FGGY: variants seen among roughly 807,000 people sequenced by gnomAD.
FGGY encodes FGGY carbohydrate kinase domain-containing protein.
FGGY carries 72 observed loss-of-function variants against 71.3 expected under a neutral mutation model. That is an observed-to-expected ratio of 1.01 (90% CI 0.84 to 1.23). The LOEUF (loss-of-function observed/expected upper bound fraction) is 1.23, where lower values mean the gene tolerates loss of function less well. Among genes scored for constraint, FGGY ranks in the 50% most tolerant of loss-of-function variants. The probability of loss-of-function intolerance (pLI) is 0.00; values close to 1 mark genes in which losing one functional copy is unlikely to be tolerated. For missense variants in FGGY, 668 were observed against 682.3 expected (o/e 0.98, Z 0.23); for synonymous variants, 251 against 250.3 (o/e 1.00, Z -0.02).
At chr1:59,298,272 C>A (rs2042263176) in intron 1 of FGGY, among the ~76,000 whole-genome samples, 1 of 152,088 alleles carries the variant, frequency 6.6e-6, no homozygotes, top group South Asian at 2.1e-4. Flanking sequence ...TGGCCACTGG[C>A]CTGGCTCTTG....
intron 7 of FGGY, among the ~76,000 whole-genome samples, chr1:59,544,977 T>C (rs922697108): frequency 6.6e-6 from 1 of 152,214 alleles, no homozygotes; most frequent in African/African-American, 2.4e-5. Flanking sequence ...ATGGCTGATA[T>C]ACTTCTGCCT....
intron 11 of FGGY, among the ~76,000 whole-genome samples, chr1:59,650,779 T>C (rs1184932413): frequency 4.2e-5 from 6 of 143,208 alleles, no homozygotes; most frequent in Non-Finnish European, 7.4e-5. Context: ...TAGTTATTTC[T>C]TGCCTTCTGC....
At chr1:59,460,764 G>C (rs536107152) in intron 6 of FGGY, among the ~76,000 whole-genome samples, 6 of 152,318 alleles carry the variant, frequency 3.9e-5, no homozygotes, top group African/African-American at 1.4e-4. Context: ...TGCAGCCTCC[G>C]CTGGTAATAC....
intron 4 of FGGY, among the ~76,000 whole-genome samples, chr1:59,348,434 C>G: frequency 6.6e-6 from 1 of 152,150 alleles, no homozygotes; most frequent in Non-Finnish European, 1.5e-5. Context: ...GTTAGGACTT[C>G]TTTCTGAAGT....
chr1:59,672,723 C>T (rs2097393064), intron 13 of FGGY, among the ~76,000 whole-genome samples: 1 of 152,176 alleles, frequency 6.6e-6, no homozygotes, highest in Non-Finnish European at 1.5e-5. Context: ...AGTGTCTTCT[C>T]AGACAAGATA....
intron 11 of FGGY, among the ~76,000 whole-genome samples, chr1:59,647,735 C>A (rs2097109301): frequency 6.7e-6 from 1 of 149,036 alleles, no homozygotes; most frequent in African/African-American, 2.5e-5. Flanking sequence ...CCACCCCTGC[C>A]ACCATCTTTT....
At chr1:59,461,737 G>T (rs1037572525) in intron 6 of FGGY, among the ~76,000 whole-genome samples, 1 of 152,074 alleles carries the variant, frequency 6.6e-6, no homozygotes, top group Admixed American at 6.5e-5. Flanking sequence ...AACTCTACCA[G>T]CCAGAAGAGA....
intron 4 of FGGY, among the ~76,000 whole-genome samples, chr1:59,369,053 C>G (rs904955374): frequency 6.6e-6 from 1 of 152,176 alleles, no homozygotes; most frequent in Non-Finnish European, 1.5e-5. Flanking sequence ...GAGTGCCAGA[C>G]AGTGGGCGCA....
intron 6 of FGGY, among the ~76,000 whole-genome samples, chr1:59,483,156 G>T (rs116092003): frequency 4.1e-4 from 63 of 152,186 alleles, no homozygotes; most frequent in African/African-American, 1.5e-3. Flanking sequence ...TACTTCATTG[G>T]TGTGTGACCA....
At chr1:59,378,898 T>C in intron 5 of FGGY, 61 bp downstream of exon 5, 1 of 1,381,206 alleles carries the variant, frequency 7.2e-7, no homozygotes, top group Admixed American at 1.7e-5. Flanking sequence ...TCTGTCTATA[T>C]ATTGCTTTCT....
intron 8 of FGGY, among the ~76,000 whole-genome samples, chr1:59,588,446 C>T (rs924286807): frequency 1.3e-5 from 2 of 151,412 alleles, no homozygotes; most frequent in African/African-American, 4.9e-5. Flanking sequence ...ACAGAGAACG[C>T]CACAAAGATA....
At chr1:59,544,762 A>G (rs2153692513) in intron 7 of FGGY, among the ~76,000 whole-genome samples, 1 of 152,338 alleles carries the variant, frequency 6.6e-6, no homozygotes. Flanking sequence ...GGTGGTGAGA[A>G]AGAATCAAAT....
intron 14 of FGGY, among the ~76,000 whole-genome samples, chr1:59,707,769 A>C (rs1477511766): frequency 6.6e-6 from 1 of 152,236 alleles, no homozygotes; most frequent in Non-Finnish European, 1.5e-5. Flanking sequence ...GAGAATCAGC[A>C]GATGATCAGC....
At chr1:59,491,379 TA>T (rs1391157054) in intron 6 of FGGY, among the ~76,000 whole-genome samples, 2 of 151,950 alleles carry the variant, frequency 1.3e-5, no homozygotes, top group African/African-American at 4.8e-5. Flanking sequence ...CATTTATTTT[TA>T]TCCTCTTTAG....
intron 4 of FGGY, among the ~76,000 whole-genome samples, chr1:59,358,982 A>C (rs2054881166): frequency 6.6e-6 from 1 of 152,228 alleles, no homozygotes. Flanking sequence ...GTTGGAATGC[A>C]AACCCAGGTT....
chr1:59,721,337 G>GTTTTTTTTTT lies in FGGY; in HGVS notation c.1513-36584_1513-36575dup, dbSNP rs71046339. 8.8e-4 allele frequency among the ~76,000 whole-genome samples: 93 copies of GTTTTTTTTTT among 105,360 alleles called. 5 individuals carry two copies. Among genetic ancestry groups the GTTTTTTTTTT allele is most frequent in the African/African-American group, 1.7e-3 (42 of 24,020 alleles). The allele number at this position is 105,360 out of a possible 152,430, so 69.1% of individuals were successfully genotyped here. ...AGAGAGTTTTTCTTTTCTTTCCTTT[G>GTTTTTTTTTT]TTTTTTTTTTTTTTTTTTTGAGACG... On this transcript the variant is annotated intron_variant, in intron 14 of 15. Transcript: ENST00000303721.
At chr1:59,487,173 G>C (rs576064980) in intron 6 of FGGY, among the ~76,000 whole-genome samples, 2 of 152,166 alleles carry the variant, frequency 1.3e-5, no homozygotes, top group Admixed American at 6.5e-5. Flanking sequence ...ACCCAGGGAA[G>C]AGCTGATTTA....
chr1:59,725,029 T>C (rs547538632), intron 14 of FGGY, among the ~76,000 whole-genome samples: 12 of 152,346 alleles, frequency 7.9e-5, no homozygotes, highest in African/African-American at 2.2e-4. Flanking sequence ...TCTAAACTTA[T>C]CACCTAACCC....
intron 8 of FGGY, among the ~76,000 whole-genome samples, chr1:59,586,794 T>C (rs533839436): frequency 1.3e-5 from 2 of 151,820 alleles, no homozygotes; most frequent in Admixed American, 6.6e-5. Context: ...CTTAGAGAAA[T>C]GCATTTGAGG....
Sources: allele counts gnomAD v4.1 joint callset (sites outside exome capture counted in the v4.1 genomes callset), GRCh38; gene constraint gnomAD v4.1.1; transcripts MANE v1.5; gene names NCBI Gene and HGNC (gene_info 2026-07-23, HGNC 2026-07-21).